The following RCAN2 variants were observed in gnomAD, a reference collection of about 807,000 sequenced individuals.
RCAN2 encodes the protein calcipressin-2.
A neutral mutation model predicts 23.6 loss-of-function variants in RCAN2; 9 were observed. That is an observed-to-expected ratio of 0.38 (90% CI 0.23 to 0.67). The LOEUF is 0.67. Ranked by LOEUF, RCAN2 falls within the 30% of genes least tolerant of loss-of-function variation. The pLI, the probability that RCAN2 is intolerant of heterozygous loss-of-function variation, is 0.51. For missense variants in RCAN2, 273 were observed against 302.3 expected, an observed-to-expected ratio of 0.90 and a Z score of 0.72; for synonymous variants, 109 against 115.7, an observed-to-expected ratio of 0.94 and a Z score of 0.37.
At chr6:46,320,737 G>T (rs1460395071) in intron 2 of RCAN2, among the ~76,000 whole-genome samples, 1 of 152,132 alleles carries the variant, frequency 6.6e-6, no homozygotes, top group African/African-American at 2.4e-5. Flanking sequence ...GAAGAGAAAA[G>T]AGCTGTCCTG....
chr6:46,375,658 C>T (rs1343914420), intron 2 of RCAN2, among the ~76,000 whole-genome samples: 1 of 152,148 alleles, frequency 6.6e-6, no homozygotes, highest in East Asian at 1.9e-4. Flanking sequence ...AAACTTTTGC[C>T]ATAAAGAGCC....
At chr6:46,394,522 A>T (rs1392394750) in intron 2 of RCAN2, among the ~76,000 whole-genome samples, 2 of 152,204 alleles carry the variant, frequency 1.3e-5, no homozygotes, top group Non-Finnish European at 2.9e-5. Context: ...CCCAGTCTTA[A>T]CTTATAAGTA....
At chr6:46,337,238 T>C (rs771066253) in intron 2 of RCAN2, among the ~76,000 whole-genome samples, 1 of 152,202 alleles carries the variant, frequency 6.6e-6, no homozygotes, top group Non-Finnish European at 1.5e-5. Flanking sequence ...TACTCGTTTT[T>C]ATTGGCACTA....
intron 2 of RCAN2, among the ~76,000 whole-genome samples, chr6:46,366,800 C>A (rs750977976): frequency 1.3e-5 from 2 of 151,262 alleles, no homozygotes; most frequent in Non-Finnish European, 2.9e-5. Context: ...TTCCCACTTG[C>A]CCATGGTATA....
At chr6:46,263,197 C>T (rs926171595) in intron 2 of RCAN2, among the ~76,000 whole-genome samples, 1 of 152,178 alleles carries the variant, frequency 6.6e-6, no homozygotes, top group Non-Finnish European at 1.5e-5. Context: ...CACACACTAC[C>T]GTTTGATGAA....
At chr6:46,434,190 A>T (rs1767299050) in intron 2 of RCAN2, among the ~76,000 whole-genome samples, 2 of 152,222 alleles carry the variant, frequency 1.3e-5, no homozygotes, top group Admixed American at 6.5e-5. Flanking sequence ...AGGATACTGA[A>T]TATTACCACA....
At chr6:46,359,820 C>CA (rs946913640) in intron 2 of RCAN2, among the ~76,000 whole-genome samples, 5 of 150,450 alleles carry the variant, frequency 3.3e-5, no homozygotes, top group Non-Finnish European at 7.4e-5. Context: ...TAATTTTCAC[C>CA]AAAAAAAAAG....
chr6:46,406,465 A>G lies in RCAN2; in HGVS notation c.225+50287T>C, dbSNP rs551679306. Among the ~76,000 whole-genome samples, 5 of 152,342 alleles carry G rather than the reference A, an allele frequency of 3.3e-5. No homozygotes were observed. The East Asian group carries it at 9.6e-4, about 29-fold the overall frequency. On this transcript the variant is annotated intron_variant, in intron 2 of 4. Coordinates refer to ENST00000371374, the MANE Select transcript of RCAN2 (RefSeq NM_001251974.2). ...TGTTTTCATTTCTTTCTTAGGGTTC[A>G]AATGTGTTTATCAAAGCAATAAACC... is the stretch of plus-strand genomic sequence containing the variant.
Position 46,304,101 on chromosome 6 carries a change from C to A in RCAN2, c.226-55205G>T, listed in dbSNP as rs146790463. On this transcript the variant is annotated intron_variant, in intron 2 of 4. Transcript: ENST00000371374. ...TCTAGCTGTTCCACATTTTTACTAA[C>A]CCTTGGCATTGACTGTCTTTTTGCT... Among the ~76,000 whole-genome samples the A allele has an allele frequency of 9.4e-4, 143 of 152,226 alleles. 1 individual carries two copies. The highest frequency in any genetic ancestry group is 3.3e-3 in the African/African-American group (136 of 41,546).
At chr6:46,265,735 T>C (rs1767305860) in intron 2 of RCAN2, among the ~76,000 whole-genome samples, 1 of 152,218 alleles carries the variant, frequency 6.6e-6, no homozygotes, top group South Asian at 2.1e-4. Flanking sequence ...ATTCCATAAA[T>C]GTGCTTTCTA....
At chr6:46,440,199 A>G (rs1200880570) in intron 2 of RCAN2, among the ~76,000 whole-genome samples, 2 of 152,202 alleles carry the variant, frequency 1.3e-5, no homozygotes, top group East Asian at 3.8e-4. Flanking sequence ...TTCCTCACAA[A>G]TGAATATTAG....
intron 2 of RCAN2, among the ~76,000 whole-genome samples, chr6:46,325,129 T>C (rs907852624): frequency 2.0e-5 from 3 of 152,218 alleles, no homozygotes; most frequent in African/African-American, 7.2e-5. Flanking sequence ...TGAAAATGTG[T>C]CTACTCAGAA....
In RCAN2 at chr6:46,237,681, C is replaced by T. The variant is rs186177410; in HGVS notation, c.571+9067G>A. ...CCAAAATCCAAAACACTTCTGGCCC[C>T]AAGCATTTTGGATAAGGGATCCTCA... On this transcript the variant is annotated intron_variant, in intron 4 of 4. Coordinates refer to ENST00000371374, the MANE Select transcript of RCAN2 (RefSeq NM_001251974.2). Among the ~76,000 whole-genome samples, 19 of 152,322 alleles carry T rather than the reference C, an allele frequency of 1.2e-4. No homozygotes were observed. The East Asian group carries it at 3.7e-3, about 29-fold the overall frequency.
At chr6:46,481,697 G>A (rs556438318) in intron 1 of RCAN2, among the ~76,000 whole-genome samples, 3 of 152,168 alleles carry the variant, frequency 2.0e-5, no homozygotes, top group Non-Finnish European at 4.4e-5. Context: ...CTGGTCTCTG[G>A]CAGCTGTGTC....
At chr6:46,361,447 C>G (rs755247457) in intron 2 of RCAN2, among the ~76,000 whole-genome samples, 6 of 152,156 alleles carry the variant, frequency 3.9e-5, no homozygotes, top group Non-Finnish European at 8.8e-5. Context: ...AAAAAAAGAA[C>G]TAGTTTGACT....
At chr6:46,275,401 C>T (rs1767661037) in intron 2 of RCAN2, among the ~76,000 whole-genome samples, 1 of 152,206 alleles carries the variant, frequency 6.6e-6, no homozygotes, top group African/African-American at 2.4e-5. Flanking sequence ...CTATGCCCCA[C>T]TAAAGCTCAT....
chr6:46,364,265 T>C (rs928842406), intron 2 of RCAN2, among the ~76,000 whole-genome samples: 7 of 152,188 alleles, frequency 4.6e-5, no homozygotes, highest in Non-Finnish European at 7.3e-5. Context: ...GGAAAGCAGA[T>C]CACATTTTCA....
At chr6:46,389,500 G>A (rs188647305) in intron 2 of RCAN2, among the ~76,000 whole-genome samples, 2 of 152,270 alleles carry the variant, frequency 1.3e-5, no homozygotes, top group East Asian at 1.9e-4. Flanking sequence ...GATATTACCC[G>A]CTGGGGTACC....
chr6:46,324,442 G>T (rs1763724042), intron 2 of RCAN2, among the ~76,000 whole-genome samples: 1 of 152,070 alleles, frequency 6.6e-6, no homozygotes, highest in Non-Finnish European at 1.5e-5. Flanking sequence ...AAGAATTCAG[G>T]GTTTTTCCTT....
Sources: gnomAD v4.1 joint callset for allele counts (sites outside exome capture counted in the v4.1 genomes callset) on GRCh38, gnomAD v4.1.1 for gene constraint, MANE v1.5 for transcripts, NCBI Gene and HGNC (gene_info 2026-07-23, HGNC 2026-07-21) for gene names.